ECEL1: variants seen among roughly 807,000 people sequenced by gnomAD.
The protein encoded by ECEL1 is endothelin-converting enzyme-like 1.
In ECEL1, 87 loss-of-function variants were observed where a neutral mutation model predicts 101.8. That is an observed-to-expected ratio of 0.85 (90% CI 0.72 to 1.02). The LOEUF (loss-of-function observed/expected upper bound fraction) is 1.02. ECEL1 is among the 50% of genes least tolerant of loss of function. The pLI is 0.00. For synonymous variants in ECEL1, 487 were observed against 468.7 expected, an observed-to-expected ratio of 1.04 and a Z score of -0.50; for missense variants, 1,032 against 1,079.2, an observed-to-expected ratio of 0.96 and a Z score of 0.61.
chr2:232,485,783 G>A lies in ECEL1; in HGVS notation c.786+85C>T. The A allele has an allele frequency of 3.4e-6, 5 of 1,489,486 alleles. 1 individual carries two copies. The South Asian group carries it at 6.3e-5, about 19-fold the overall frequency. The allele number at this position is 1,489,486 out of a possible 1,614,324, so 92.3% of individuals were successfully genotyped here. ...TTCCCTCCTCTCCTCTCACGCACCC[G>A]CCTCCCGCGCGCAGGGACCCCTGGG... On this transcript the variant is annotated intron_variant, in intron 2 of 17. Coordinates refer to ENST00000304546, the MANE Select transcript of ECEL1 (RefSeq NM_004826.4).
intron 2 of ECEL1, 120 bp from the exon 3 acceptor site, chr2:232,485,387 C>G (rs1690694422): frequency 6.2e-6 from 7 of 1,124,536 alleles, no homozygotes; most frequent in Middle Eastern, 2.9e-4. Flanking sequence ...GCCACAGAAG[C>G]ACGCAGACCC....
At position 232,486,504 on chromosome 2, in the gene ECEL1, G is replaced by A; in HGVS notation, c.150C>T (p.Ser50=). 1 of 1,375,526 alleles carries A rather than the reference G, an allele frequency of 7.3e-7. No individual in the cohort carries two copies. Among genetic ancestry groups the A allele is most frequent in the East Asian group, 3.1e-5 (1 of 32,292 alleles). The allele number at this position is 1,375,526 out of a possible 1,614,324, so 85.2% of individuals were successfully genotyped here. The change falls in exon 2 of 18, where the codon TCC becomes TCT. Residue 50 remains serine, a synonymous_variant. Coordinates refer to ENST00000304546, the MANE Select transcript of ECEL1 (RefSeq NM_004826.4). ...CGCGCCGGTTCCAGCGCGGCAGCCC[G>A]GACCGGGCCCCGGTGGCGCTGCGCG... The part of the protein sequence containing the change: ...GAARSATGAR[S]GLPRWNRREV...
rs754144088 is a variant in ECEL1, at chr2:232,484,810, G to A, written c.1050C>T (p.Ile350=). The A allele has an allele frequency of 4.4e-5, 71 of 1,613,792 alleles. No homozygotes were observed. In the South Asian group the frequency reaches 7.6e-4, roughly 17 times the overall value. The change falls in exon 5 of 18, where the codon ATC becomes ATT. Residue 350 remains isoleucine (I), a synonymous_variant. Transcript: ENST00000304546. ...NKVTLGQLQK[I]TPHLRWKWLL... ...ACTGGGCCACACTCACGTGGGGGGT[G>A]ATCTTCTGCAGCTGCCCCAGCGTCA...
rs1690668690 is a variant in ECEL1 at position 232,484,505 on chromosome 2, T to A, written c.1151A>T (p.Gln384Leu). The change falls in exon 6 of 18, where the codon CAG becomes CTG. Residue 384 changes from glutamine to leucine, a missense_variant. Physicochemically the swap from Gln to Leu is moderately radical, Grantham distance 113. Coordinates refer to ENST00000304546, the MANE Select transcript of ECEL1 (RefSeq NM_004826.4). ...VVLLATDYMQ[Q>L]VSQLIRSTPH... ...TGTGGAGCGGATGAGCTGCGACACC[T>A]GCTGCATGTAGTCTGTCGCCAGCAG... 6.2e-7 allele frequency: 1 copy of A among 1,613,954 alleles called. No homozygotes were observed. The highest frequency in any genetic ancestry group is 8.5e-7 in the Non-Finnish European group (1 of 1,180,012).
chr2:232,486,632 T>A lies in ECEL1; in HGVS notation c.22A>T (p.Thr8Ser). Residue 8 changes from threonine (T) to serine (S), a missense_variant, in exon 2 of 18, where the codon ACG becomes TCG. Coordinates refer to ENST00000304546, the MANE Select transcript of ECEL1 (RefSeq NM_004826.4). MEPPYSLTAHYDEFQEVK... is the reference protein window; with the variant it reads MEPPYSLSAHYDEFQEVK... ...TCTTGGAACTCATCGTAGTGCGCCGTCAGCGAATACGGGGGCTCCATGGCG... is the reference window on the plus strand; with the variant it reads ...TCTTGGAACTCATCGTAGTGCGCCGACAGCGAATACGGGGGCTCCATGGCG... 6.5e-7 allele frequency: 1 copy of A among 1,528,890 alleles called. No homozygotes were observed. The highest frequency in any genetic ancestry group is 8.7e-7 in the Non-Finnish European group (1 of 1,148,660). The allele number at this position is 1,528,890 out of a possible 1,614,324, so 94.7% of individuals were successfully genotyped here. A position where few individuals can be genotyped will look rare whatever the true frequency, so the allele number is the denominator to read the frequency against.
At chr2:232,483,890 TC>T in intron 7 of ECEL1, 110 bp downstream of exon 7, 1 of 1,194,930 alleles carries the variant, frequency 8.4e-7, no homozygotes, top group Non-Finnish European at 1.2e-6. Flanking sequence ...CAGGGCCTGG[TC>T]CCCCTGCCTG....
rs780340555 is a variant in ECEL1 at position 232,485,901 on chromosome 2, C to T, written c.753G>A (p.Leu251=). 50 of 1,568,040 alleles carry T rather than the reference C, an allele frequency of 3.2e-5. No individual in the cohort carries two copies. In the South Asian group the frequency reaches 5.6e-4, roughly 17 times the overall value. The part of the protein sequence containing the change: ...AAALFSLTVS[L]DDRNSSRYVI... ...CGTAGCGCGAGGAGTTCCTGTCGTC[C>T]AGGCTGACCGTGAGCGAGAAGAGCG... is the stretch of plus-strand genomic sequence containing the variant. Residue 251 remains leucine (L), a synonymous_variant, in exon 2 of 18, where the codon CTG becomes CTA. Coordinates refer to ENST00000304546, the MANE Select transcript of ECEL1 (RefSeq NM_004826.4).
At chr2:232,486,809 G>T in intron 1 of ECEL1, 55 bp from the exon 2 acceptor site, 1 of 796,746 alleles carries the variant, frequency 1.3e-6, no homozygotes, top group Non-Finnish European at 1.7e-6. Context: ...TGGGGCTCAG[G>T]GTCACCGCGA....
rs1690686186 is a variant in ECEL1 at position 232,485,101 on chromosome 2, G to A, written c.856-10C>T. The A allele has an allele frequency of 2.5e-6, 4 of 1,611,430 alleles. No individual in the cohort carries two copies. The East Asian group carries it at 8.9e-5, about 36-fold the overall frequency. ...TGTATGCTGCCAGGATCTGCACCAG[G>A]GGAGGGGGCTCACCCAGGGACAGGG... On this transcript the variant is annotated splice_polypyrimidine_tract_variant and intron_variant, in intron 3 of 17. Transcript: ENST00000304546.
At chr2:232,485,683 A>G (rs1217729102) in intron 2 of ECEL1, among the ~76,000 whole-genome samples, 185 bp downstream of exon 2, 2 of 152,098 alleles carry the variant, frequency 1.3e-5, no homozygotes, top group Non-Finnish European at 2.9e-5. Context: ...CAATTACCCC[A>G]GGGAAATTAC....
At position 232,486,565 on chromosome 2, in the gene ECEL1, C is replaced by CCG; in HGVS notation, c.87_88dup (p.Gly30AlafsTer174). 1.5e-6 allele frequency: 2 copies of CCG among 1,375,800 alleles called. No homozygotes were observed. The highest frequency in any genetic ancestry group is 1.9e-6 in the Non-Finnish European group (2 of 1,068,238). 85.2% of individuals were successfully genotyped at this position (1,375,800 alleles called of 1,614,324 possible). On this transcript the variant is annotated frameshift_variant, in exon 2 of 18. Coordinates refer to ENST00000304546, the MANE Select transcript of ECEL1 (RefSeq NM_004826.4). LOFTEE classifies it high-confidence loss of function. ...CGGGAAGCCCGGGGGCAGGGAGGCC[C>CCG]CGCGCGCGCCCCCCGCGCCGCAGCG...
chr2:232,487,240 G>C (rs1052869070), intron 1 of ECEL1, among the ~76,000 whole-genome samples: 2 of 152,196 alleles, frequency 1.3e-5, no homozygotes, highest in African/African-American at 4.8e-5. Context: ...TGTCCTCGCG[G>C]AAGTCCGCGG....
chr2:232,484,735 C>T, intron 5 of ECEL1, 66 bp downstream of exon 5: 3 of 1,607,032 alleles, frequency 1.9e-6, no homozygotes, highest in Non-Finnish European at 2.6e-6. Context: ...GGAGAGATGA[C>T]CCTGTAGTCC....
At chr2:232,480,668 T>C (rs971442736) in intron 16 of ECEL1, 50 bp downstream of exon 16, 1 of 1,592,390 alleles carries the variant, frequency 6.3e-7, no homozygotes, top group Middle Eastern at 1.7e-4. Context: ...TGACCCTGGA[T>C]GCCGTGTCCC....
At position 232,480,261 on chromosome 2, in the gene ECEL1, G is replaced by A; in HGVS notation, c.2229-9C>T. The A allele has an allele frequency of 6.2e-7, 1 of 1,613,470 alleles. No homozygotes were observed. ...ACACACTGCCCAGCACCCTGGGGTG[G>A]GGAGAGACCCACACAGTGTTGGGCC... On this transcript the variant is annotated splice_polypyrimidine_tract_variant and intron_variant, in intron 17 of 17. Coordinates refer to ENST00000304546, the MANE Select transcript of ECEL1 (RefSeq NM_004826.4).
chr2:232,485,614 C>T (rs1357534325), intron 2 of ECEL1, among the ~76,000 whole-genome samples: 1 of 152,240 alleles, frequency 6.6e-6, no homozygotes, highest in African/African-American at 2.4e-5. Flanking sequence ...TCCCTCCTGG[C>T]CCTCACTGCC....
In ECEL1 at chr2:232,486,376, C is replaced by T. The variant is rs942258410; in HGVS notation, c.278G>A (p.Gly93Asp). The T allele has an allele frequency of 6.7e-7, 1 of 1,485,108 alleles. No individual in the cohort carries two copies. Among genetic ancestry groups the T allele is most frequent in the African/African-American group, 1.5e-5 (1 of 67,876 alleles). 92.0% of individuals were successfully genotyped at this position (1,485,108 alleles called of 1,614,324 possible). A position where few individuals can be genotyped will look rare whatever the true frequency, so the allele number is the denominator to read the frequency against. The change falls in exon 2 of 18, where the codon GGC becomes GAC. Residue 93 changes from glycine (G) to aspartate (D), a missense_variant. Physicochemically the swap from Gly to Asp is moderately conservative, Grantham distance 94 (BLOSUM62 -1). Transcript: ENST00000304546. Reference sequence around the variant, plus strand: ...CTCAGGGCAGCCCTCGGGACAGGCGCCGCCGCCGGCCGCGACCGGGCCCAG... The same window carrying T: ...CTCAGGGCAGCCCTCGGGACAGGCGTCGCCGCCGGCCGCGACCGGGCCCAG... ...KYLGPVAAGGGACPEGCPERK... is the reference protein window; with the variant it reads ...KYLGPVAAGGDACPEGCPERK...
chr2:232,486,134 C>A lies in ECEL1; in HGVS notation c.520G>T (p.Gly174Cys). 6.4e-7 allele frequency: 1 copy of A among 1,563,762 alleles called. No homozygotes were observed. The highest frequency in any genetic ancestry group is 8.6e-7 in the Non-Finnish European group (1 of 1,159,176). The stretch of plus-strand genomic sequence containing the variant: ...GCGCGCACCTTGCGCTGGGCCGCGC[C>A]GCCAGGCCCACCCCCGGGCCGCGCC... ...LLARPGGGPG[G>C]AAQRKVRAFF... is the part of the protein sequence containing the mutation. Residue 174 changes from glycine to cysteine, a missense_variant, in exon 2 of 18, where the codon GGC becomes TGC. Physicochemically the swap from Gly to Cys is radical, Grantham distance 159. Coordinates refer to ENST00000304546, the MANE Select transcript of ECEL1 (RefSeq NM_004826.4).
intron 7 of ECEL1, 75 bp downstream of exon 7, chr2:232,483,926 A>G (rs1690650888): frequency 2.7e-6 from 4 of 1,487,618 alleles, no homozygotes; most frequent in African/African-American, 2.8e-5. Flanking sequence ...GGCTCCCCAT[A>G]TTAGGACCAT....
Sources: allele counts gnomAD v4.1 joint callset (sites outside exome capture counted in the v4.1 genomes callset), GRCh38; gene constraint gnomAD v4.1.1; transcripts MANE v1.5; gene names NCBI Gene and HGNC (gene_info 2026-07-23, HGNC 2026-07-21).